FOLH1: variants seen among roughly 807,000 people sequenced by gnomAD.
The protein encoded by FOLH1 is folate hydrolase 1, also known as glutamate carboxypeptidase 2.
A neutral mutation model predicts 93.9 loss-of-function variants in FOLH1; 54 were observed. That is an observed-to-expected ratio of 0.57 (90% CI 0.46 to 0.72). FOLH1 has a LOEUF of 0.72. FOLH1 is among the 30% of genes least tolerant of loss of function. The probability of loss-of-function intolerance (pLI) is 0.00; values close to 1 mark genes in which losing one functional copy is unlikely to be tolerated. For synonymous variants in FOLH1, 249 were observed against 303.6 expected, an observed-to-expected ratio of 0.82 and a Z score of 1.87; for missense variants, 571 against 892.5, an observed-to-expected ratio of 0.64 and a Z score of 4.59.
At chr11:49,191,370 A>G (rs1256806312) in intron 4 of FOLH1, among the ~76,000 whole-genome samples, 7 of 152,170 alleles carry the variant, frequency 4.6e-5, no homozygotes, top group Non-Finnish European at 8.8e-5. Flanking sequence ...TTGACATTCC[A>G]CTGGCTGGGT....
Position 49,169,211 on chromosome 11 carries a change from A to T in FOLH1, c.1356T>A (p.Ala452=). 1 of 1,613,300 alleles carries T rather than the reference A, an allele frequency of 6.2e-7. No individual in the cohort carries two copies. The highest frequency in any genetic ancestry group is 8.5e-7 in the Non-Finnish European group (1 of 1,179,360). ...LQERGVAYIN[A]DSSIEGNYTL... ...GATATTCACCTTCTATAGATGAGTC[A>T]GCATTAATATAAGCCACGCCACGCT... is the stretch of plus-strand genomic sequence containing the variant. The change falls in exon 12 of 19, where the codon GCT becomes GCA. Residue 452 remains alanine (A), a synonymous_variant. Coordinates refer to ENST00000256999, the MANE Select transcript of FOLH1 (RefSeq NM_004476.3).
intron 4 of FOLH1, among the ~76,000 whole-genome samples, chr11:49,189,651 A>C (rs1412202793): frequency 6.6e-6 from 1 of 152,176 alleles, no homozygotes. Context: ...GTAAGTTGAG[A>C]AGTGTATTGA....
chr11:49,171,235 G>A lies in FOLH1; in HGVS notation c.1268C>T (p.Ala423Val), dbSNP rs762349547. 1 of 1,588,556 alleles carries A rather than the reference G, an allele frequency of 6.3e-7. No homozygotes were observed. The highest frequency in any genetic ancestry group is 2.3e-5 in the East Asian group (1 of 44,192). ...AGAACCAAGAAGACCAAATTCTTCTGCATCCCAGCTTGCAAACAAAATTGT... is the reference window on the plus strand; with the variant it reads ...AGAACCAAGAAGACCAAATTCTTCTACATCCCAGCTTGCAAACAAAATTGT... ...RRTILFASWDAEEFGLLGSTE... is the reference protein window; with the variant it reads ...RRTILFASWDVEEFGLLGSTE... The change falls in exon 11 of 19, where the codon GCA (alanine) becomes GTA (valine). Residue 423 changes from alanine to valine, a missense_variant. Coordinates refer to ENST00000256999, the MANE Select transcript of FOLH1 (RefSeq NM_004476.3).
In FOLH1 at chr11:49,146,599, A is replaced by AATATAAACACACACAT. The variant is rs1187637001; in HGVS notation, c.*141_*156dup. 1 of 594,540 alleles carries AATATAAACACACACAT rather than the reference A, an allele frequency of 1.7e-6. No homozygotes were observed. Among genetic ancestry groups the AATATAAACACACACAT allele is most frequent in the African/African-American group, 1.9e-5 (1 of 51,754 alleles). 36.8% of individuals were successfully genotyped at this position (594,540 alleles called of 1,614,324 possible). A position where few individuals can be genotyped will look rare whatever the true frequency, so the allele number is the denominator to read the frequency against. Reference sequence around the variant, plus strand: ...TTTAATCCATAGGGAGAAGATAAACAATATAAACACACACATATATAAACA... The same window carrying AATATAAACACACACAT: ...TTTAATCCATAGGGAGAAGATAAACAATATAAACACACACATATATAAACACACACATATATAAACA... On this transcript the variant is annotated 3_prime_UTR_variant, in exon 19 of 19. Coordinates refer to ENST00000256999, the MANE Select transcript of FOLH1 (RefSeq NM_004476.3).
Position 49,154,463 on chromosome 11 carries a change from C to T in FOLH1, c.1653G>A (p.Leu551=). The T allele has an allele frequency of 3.1e-6, 5 of 1,597,122 alleles. No individual in the cohort carries two copies. Among genetic ancestry groups the T allele is most frequent in the Non-Finnish European group, 4.3e-6 (5 of 1,169,478 alleles). Residue 551 remains leucine (L), a synonymous_variant, in exon 16 of 19, where the codon CTG becomes CTA. Transcript: ENST00000256999. ...WETNKFSGYP[L]YHSVYETYEL... ...CATATGTTTCATAGACACTGTGATA[C>T]AGTGGATAGCCGCTGAATTTGTTTG...
At chr11:49,182,664 T>G (rs1353897165) in intron 7 of FOLH1, among the ~76,000 whole-genome samples, 1 of 152,136 alleles carries the variant, frequency 6.6e-6, no homozygotes, top group Non-Finnish European at 1.5e-5. Context: ...GGTCTAATAT[T>G]GAATAAAGGA....
rs531032391 is a variant in FOLH1 at position 49,176,053 on chromosome 11, A to G, written c.921-96T>C. ...TCACTTTATTGAGCATCTGCTCATAATATCTTTAATGAGTGCAAAGTGCTT... is the reference window on the plus strand; with the variant it reads ...TCACTTTATTGAGCATCTGCTCATAGTATCTTTAATGAGTGCAAAGTGCTT... On this transcript the variant is annotated intron_variant, in intron 7 of 18. Coordinates refer to ENST00000256999, the MANE Select transcript of FOLH1 (RefSeq NM_004476.3). The G allele has an allele frequency of 3.7e-3, 4,059 of 1,091,108 alleles. 15 individuals are homozygous for G. Among genetic ancestry groups the G allele is most frequent in the Non-Finnish European group, 4.7e-3 (3,395 of 721,724 alleles). 67.6% of individuals were successfully genotyped at this position (1,091,108 alleles called of 1,614,324 possible). A position where few individuals can be genotyped will look rare whatever the true frequency, so the allele number is the denominator to read the frequency against.
chr11:49,167,877 CAAAA>C (rs1251987992), intron 12 of FOLH1, among the ~76,000 whole-genome samples: 9 of 148,314 alleles, frequency 6.1e-5, no homozygotes. Context: ...AACAAACAAA[CAAAA>C]AACAGAAAAA....
At chr11:49,187,828 C>T (rs1861589038) in intron 4 of FOLH1, among the ~76,000 whole-genome samples, 1 of 152,192 alleles carries the variant, frequency 6.6e-6, no homozygotes, top group Admixed American at 6.5e-5. Flanking sequence ...GGTCATGTCC[C>T]TTTCTAGAAT....
At chr11:49,200,550 T>C (rs1407326027) in intron 2 of FOLH1, 109 bp from the exon 3 acceptor site, 1 of 1,170,482 alleles carries the variant, frequency 8.5e-7, no homozygotes, top group Non-Finnish European at 1.2e-6. Flanking sequence ...GTGTGATACG[T>C]TAAAAAATTA....
At chr11:49,159,766 T>C (rs1857466305) in intron 13 of FOLH1, among the ~76,000 whole-genome samples, 1 of 152,212 alleles carries the variant, frequency 6.6e-6, no homozygotes, top group South Asian at 2.1e-4. Flanking sequence ...TCCTTGGCTT[T>C]TTTTGGTTGG....
chr11:49,168,149 A>T (rs1451458110), intron 12 of FOLH1, among the ~76,000 whole-genome samples: 8 of 151,112 alleles, frequency 5.3e-5, no homozygotes, highest in Non-Finnish European at 1.0e-4. Context: ...TAAAGAATAC[A>T]GTCTATTACT....
chr11:49,180,202 GTTAA>G (rs1302180278), intron 7 of FOLH1, among the ~76,000 whole-genome samples: 2 of 152,186 alleles, frequency 1.3e-5, no homozygotes, highest in African/African-American at 2.4e-5. Context: ...TGTTTTATAG[GTTAA>G]TTGAGGAGAT....
chr11:49,157,863 T>G (rs1857191167), intron 14 of FOLH1, 89 bp downstream of exon 14: 2 of 1,293,986 alleles, frequency 1.5e-6, no homozygotes, highest in Admixed American at 5.0e-5. Flanking sequence ...TGAAACTTAA[T>G]TTTTCACTTA....
At chr11:49,149,893 T>C (rs1856290122) in intron 17 of FOLH1, among the ~76,000 whole-genome samples, 1 of 152,180 alleles carries the variant, frequency 6.6e-6, no homozygotes, top group Non-Finnish European at 1.5e-5. Context: ...GTTTTCCATA[T>C]TTAAAAATAA....
At chr11:49,181,783 C>T (rs142557789) in intron 7 of FOLH1, among the ~76,000 whole-genome samples, 1,986 of 152,074 alleles carry the variant, frequency 0.013, 46 homozygotes, top group African/African-American at 0.046. Context: ...TCTTATAGCC[C>T]CAAGGAAGAA....
chr11:49,155,207 G>T (rs1446108559), intron 15 of FOLH1, among the ~76,000 whole-genome samples: 1 of 152,110 alleles, frequency 6.6e-6, no homozygotes, highest in Non-Finnish European at 1.5e-5. Context: ...CCCTGCCAGG[G>T]TTTGAATCTA....
intron 12 of FOLH1, among the ~76,000 whole-genome samples, chr11:49,165,036 C>T (rs1858203408): frequency 6.6e-6 from 1 of 152,192 alleles, no homozygotes; most frequent in Non-Finnish European, 1.5e-5. Flanking sequence ...TTTGCACACA[C>T]TGTCCTTCCA....
intron 13 of FOLH1, among the ~76,000 whole-genome samples, chr11:49,158,775 T>C (rs1273504675): frequency 1.3e-5 from 2 of 152,206 alleles, no homozygotes; most frequent in Non-Finnish European, 2.9e-5. Context: ...ATGGAATGTT[T>C]TTTCCATTTG....
Sources: gnomAD v4.1 joint callset for allele counts (sites outside exome capture counted in the v4.1 genomes callset) on GRCh38, gnomAD v4.1.1 for gene constraint, MANE v1.5 for transcripts, NCBI Gene and HGNC (gene_info 2026-07-23, HGNC 2026-07-21) for gene names.